MMRN1: variants seen among roughly 807,000 people sequenced by gnomAD.
MMRN1 encodes multimerin 1.
MMRN1 carries 94 observed loss-of-function variants against 100.7 expected under a neutral mutation model. That is an observed-to-expected ratio of 0.93 (90% CI 0.79 to 1.11). The LOEUF (loss-of-function observed/expected upper bound fraction) is 1.11, where lower values mean the gene tolerates loss of function less well. Ranked by LOEUF, MMRN1 falls within the 50% of genes least tolerant of loss-of-function variation. The pLI, the probability that MMRN1 is intolerant of heterozygous loss-of-function variation, is 0.00. For synonymous variants in MMRN1, 575 were observed against 505.0 expected (o/e 1.14, Z -1.86); for missense variants, 1,606 against 1,439.1 (o/e 1.12, Z -1.88).
chr4:89,950,093 C>A (rs960070679), intron 6 of MMRN1, among the ~76,000 whole-genome samples: 5 of 152,176 alleles, frequency 3.3e-5, no homozygotes, highest in African/African-American at 1.2e-4. Context: ...GAAGCTTTCA[C>A]AACAAATGAA....
At position 89,935,015 on chromosome 4, in the gene MMRN1, G is replaced by T. The variant is rs749683898; in HGVS notation, c.1335G>T (p.Leu445Phe). 2 of 1,612,646 alleles carry T rather than the reference G, an allele frequency of 1.2e-6. No homozygotes were observed. Among genetic ancestry groups the T allele is most frequent in the East Asian group, 4.5e-5 (2 of 44,844 alleles). Residue 445 changes from leucine to phenylalanine, a missense_variant, in exon 6 of 8, where the codon TTG (leucine) becomes TTT (phenylalanine). Leu to Phe is a conservative substitution (Grantham distance 22). Coordinates refer to ENST00000264790, the MANE Select transcript of MMRN1 (RefSeq NM_007351.3). ...VSIAAQQKFV[L>F]VQENRPTLTD... ...TAGCAGCCCAGCAAAAGTTTGTTTTGGTGCAAGAGAATCGGCCCACTTTGA... is the reference window on the plus strand; with the variant it reads ...TAGCAGCCCAGCAAAAGTTTGTTTTTGTGCAAGAGAATCGGCCCACTTTGA...
chr4:89,919,122 G>C (rs1388989916), intron 3 of MMRN1, among the ~76,000 whole-genome samples: 1 of 151,412 alleles, frequency 6.6e-6, no homozygotes, highest in East Asian at 1.9e-4. Flanking sequence ...TATTAGGTAA[G>C]TTCTGTAATA....
rs1043137788 is a variant in MMRN1, at chr4:89,909,225, G to T, written c.624-51G>T. On this transcript the variant is annotated intron_variant, in intron 1 of 7. Coordinates refer to ENST00000264790, the MANE Select transcript of MMRN1 (RefSeq NM_007351.3). Reference sequence around the variant, plus strand: ...TCTGTGAAAATAATTTTGATGAAAAGAATTCTTTTTTGACAACAGTTTTTT... The same window carrying T: ...TCTGTGAAAATAATTTTGATGAAAATAATTCTTTTTTGACAACAGTTTTTT... 11 of 1,545,370 alleles carry T rather than the reference G, an allele frequency of 7.1e-6. No individual in the cohort carries two copies. The African/African-American group carries it at 8.3e-5, about 12-fold the overall frequency.
chr4:89,918,947 G>T (rs914416796), intron 3 of MMRN1, among the ~76,000 whole-genome samples: 4 of 151,456 alleles, frequency 2.6e-5, no homozygotes, highest in Admixed American at 2.6e-4. Flanking sequence ...TGATTTTTAC[G>T]TTTTAGGAAA....
At chr4:89,920,273 G>A (rs1016584927) in intron 3 of MMRN1, among the ~76,000 whole-genome samples, 2 of 152,078 alleles carry the variant, frequency 1.3e-5, no homozygotes, top group African/African-American at 4.8e-5. Context: ...CATGGAGTTG[G>A]GGAATGTGCA....
intron 1 of MMRN1, among the ~76,000 whole-genome samples, chr4:89,900,957 G>C (rs1047588405): frequency 6.6e-6 from 1 of 151,940 alleles, no homozygotes; most frequent in African/African-American, 2.4e-5. Context: ...TGGTGTCATA[G>C]AGCAAAGGAA....
chr4:89,917,569 A>G (rs1721961613), intron 3 of MMRN1, among the ~76,000 whole-genome samples: 1 of 151,982 alleles, frequency 6.6e-6, no homozygotes, highest in Admixed American at 6.6e-5. Flanking sequence ...TATACATCAT[A>G]CCAAAAATCA....
chr4:89,885,792 G>A (rs1248307962), intron 1 of MMRN1, among the ~76,000 whole-genome samples: 4 of 151,796 alleles, frequency 2.6e-5, no homozygotes, highest in African/African-American at 4.8e-5. Context: ...TTCTTGATTA[G>A]TCTTGCTAAC....
intron 1 of MMRN1, among the ~76,000 whole-genome samples, chr4:89,881,641 G>A (rs996085814): frequency 4.6e-5 from 7 of 151,796 alleles, no homozygotes; most frequent in African/African-American, 1.2e-4. Context: ...CATGGTGAAT[G>A]GAAGAAGTCT....
chr4:89,924,935 C>A (rs1560589989), intron 4 of MMRN1, among the ~76,000 whole-genome samples: 1 of 152,066 alleles, frequency 6.6e-6, no homozygotes, highest in Non-Finnish European at 1.5e-5. Flanking sequence ...TGTTTTGATA[C>A]AGGTACACAA....
intron 4 of MMRN1, among the ~76,000 whole-genome samples, chr4:89,926,359 T>C (rs1367453484): frequency 1.3e-5 from 2 of 150,314 alleles, no homozygotes; most frequent in African/African-American, 4.9e-5. Context: ...TAGTTTTGGT[T>C]TGAGTTTCTC....
intron 1 of MMRN1, among the ~76,000 whole-genome samples, chr4:89,885,681 A>G (rs1720919902): frequency 6.6e-6 from 1 of 152,074 alleles, no homozygotes; most frequent in Non-Finnish European, 1.5e-5. Flanking sequence ...ATTGGCATAA[A>G]TTGTTCATAA....
Position 89,895,224 on chromosome 4 carries a change from C to G in MMRN1, c.253C>G (p.Pro85Ala). The change falls in exon 1 of 8, where the codon CCC (proline) becomes GCC (alanine). Residue 85 changes from proline (P) to alanine (A), a missense_variant. Transcript: ENST00000264790. ...CAGTCTTCTTAAATCAACACTGCCTCCCTCAGAAACAAGTGCACCTGCTGA... is the reference window on the plus strand; with the variant it reads ...CAGTCTTCTTAAATCAACACTGCCTGCCTCAGAAACAAGTGCACCTGCTGA... ...EDSLLKSTLP[P>A]SETSAPAEGV... 1 of 1,613,804 alleles carries G rather than the reference C, an allele frequency of 6.2e-7. No homozygotes were observed.
chr4:89,898,301 G>T (rs1243514872), intron 1 of MMRN1, among the ~76,000 whole-genome samples: 1 of 152,008 alleles, frequency 6.6e-6, no homozygotes. Flanking sequence ...ACTCCATAAA[G>T]AAGAGGAAGA....
chr4:89,907,134 A>G (rs571149354), intron 1 of MMRN1, among the ~76,000 whole-genome samples: 1 of 151,608 alleles, frequency 6.6e-6, no homozygotes, highest in African/African-American at 2.4e-5. Context: ...GAATCTAGTT[A>G]ATTTTTTAAA....
chr4:89,938,507 ATATATTT>A (rs1560596600), intron 6 of MMRN1, among the ~76,000 whole-genome samples: 1 of 91,262 alleles, frequency 1.1e-5, no homozygotes, highest in Non-Finnish European at 2.1e-5. Flanking sequence ...ATATATATAT[ATATATTT>A]AAAATATATA....
chr4:89,887,395 A>T (rs573666245), intron 1 of MMRN1, among the ~76,000 whole-genome samples: 17 of 152,276 alleles, frequency 1.1e-4, no homozygotes, highest in African/African-American at 4.1e-4. Flanking sequence ...CTGTCTTCAA[A>T]TTATACTACA....
At chr4:89,939,273 C>T (rs551396390) in intron 6 of MMRN1, among the ~76,000 whole-genome samples, 1 of 152,170 alleles carries the variant, frequency 6.6e-6, no homozygotes, top group Admixed American at 6.6e-5. Flanking sequence ...GATAATTTAT[C>T]ATCATCTTAT....
At chr4:89,910,965 G>A (rs1446306065) in intron 2 of MMRN1, among the ~76,000 whole-genome samples, 1 of 151,322 alleles carries the variant, frequency 6.6e-6, no homozygotes, top group Non-Finnish European at 1.5e-5. Flanking sequence ...TAACAAGGGA[G>A]GCTAGCCCAC....
Sources: allele counts gnomAD v4.1 joint callset (sites outside exome capture counted in the v4.1 genomes callset), GRCh38; gene constraint gnomAD v4.1.1; transcripts MANE v1.5; gene names NCBI Gene and HGNC (gene_info 2026-07-23, HGNC 2026-07-21).